Variants in POLR1B observed in about 807,000 individuals in gnomAD.
The protein encoded by POLR1B is DNA-directed RNA polymerase I subunit RPA2.
Under a neutral mutation model 105.8 loss-of-function variants are expected in POLR1B, and 30 were observed. That is an observed-to-expected ratio of 0.28 (90% CI 0.21 to 0.38). POLR1B has a LOEUF of 0.38. Among genes scored for constraint, POLR1B ranks in the 10% least tolerant of loss-of-function variants. The probability of loss-of-function intolerance (pLI) is 1.00; values close to 1 mark genes in which losing one functional copy is unlikely to be tolerated. For missense variants in POLR1B, 976 were observed against 1,435.8 expected, an observed-to-expected ratio of 0.68 and a Z score of 5.17; for synonymous variants, 485 against 505.1, an observed-to-expected ratio of 0.96 and a Z score of 0.53.
intron 1 of POLR1B, among the ~76,000 whole-genome samples, chr2:112,544,134 A>T (rs1388212651): frequency 2.0e-5 from 3 of 152,056 alleles, no homozygotes; most frequent in Admixed American, 6.6e-5. Flanking sequence ...GCACTAATTT[A>T]AAAATAAGCC....
intron 9 of POLR1B, among the ~76,000 whole-genome samples, chr2:112,562,240 C>A (rs974877158): frequency 6.6e-6 from 1 of 152,060 alleles, no homozygotes; most frequent in Admixed American, 6.6e-5. Flanking sequence ...AGCAAGTAGG[C>A]AAATGTGCAC....
chr2:112,575,833 C>T lies in POLR1B; in HGVS notation c.*104C>T, dbSNP rs10205187. 0.1 allele frequency: 137,300 copies of T among 1,318,326 alleles called. 9,591 individuals are homozygous for T. The highest frequency in any genetic ancestry group is 0.31 in the East Asian group (13,455 of 43,034). The allele number at this position is 1,318,326 out of a possible 1,614,324, so 81.7% of individuals were successfully genotyped here. On this transcript the variant is annotated 3_prime_UTR_variant, in exon 15 of 15. Transcript: ENST00000263331. This position sits in a 1 kb window ranked among gnomAD's most constrained non-coding sequence, Gnocchi z 5.3. ...CCAGGTTACTCTTGAGATTTTTCAA[C>T]GGTGTTAGAACTCTCAACCAAGACC...
chr2:112,563,102 T>C (rs1355092254), intron 9 of POLR1B, among the ~76,000 whole-genome samples: 1 of 150,836 alleles, frequency 6.6e-6, no homozygotes, highest in Non-Finnish European at 1.5e-5. Context: ...TCACCCAGGC[T>C]GGAGTGCAGT....
chr2:112,568,274 T>C, intron 11 of POLR1B, 137 bp downstream of exon 11: 1 of 850,172 alleles, frequency 1.2e-6, no homozygotes, highest in South Asian at 1.8e-5. Context: ...AAGTCAGACT[T>C]TCCACCTCCT....
At chr2:112,561,760 C>T (rs1464707858) in intron 9 of POLR1B, among the ~76,000 whole-genome samples, 4 of 152,180 alleles carry the variant, frequency 2.6e-5, no homozygotes, top group Non-Finnish European at 2.9e-5. Context: ...AGGCACATCA[C>T]ACCTTTTTGC....
intron 9 of POLR1B, among the ~76,000 whole-genome samples, chr2:112,563,491 C>A (rs1348228130): frequency 6.6e-6 from 1 of 152,200 alleles, no homozygotes; most frequent in Non-Finnish European, 1.5e-5. Flanking sequence ...TGCAGTCAGT[C>A]CCCTCAAACC....
chr2:112,567,864 C>T, intron 10 of POLR1B, 103 bp from the exon 11 acceptor site: 1 of 981,508 alleles, frequency 1.0e-6, no homozygotes, highest in Non-Finnish European at 1.5e-6. Flanking sequence ...GGGCTTTTAC[C>T]ATGGCTGAGT....
At chr2:112,569,769 A>G (rs958173255) in intron 12 of POLR1B, among the ~76,000 whole-genome samples, 4 of 151,884 alleles carry the variant, frequency 2.6e-5, no homozygotes, top group Non-Finnish European at 5.9e-5. Context: ...CATGTTGGCA[A>G]GGCTGGTCTC....
At position 112,575,774 on chromosome 2, in the gene POLR1B, A is replaced by G; in HGVS notation, c.*45A>G. On this transcript the variant is annotated 3_prime_UTR_variant, in exon 15 of 15. Transcript: ENST00000263331. The surrounding 1 kb of genome is among the most constrained non-coding windows in gnomAD (Gnocchi z 5.3). ...ATTAAGAGGACTATCAGATTAAAGC[A>G]AAATGTAATTTTAATTCAATGAAGA... 1 of 1,540,806 alleles carries G rather than the reference A, an allele frequency of 6.5e-7. No homozygotes were observed. The highest frequency in any genetic ancestry group is 2.3e-5 in the East Asian group (1 of 44,286).
intron 7 of POLR1B, among the ~76,000 whole-genome samples, chr2:112,557,064 C>T (rs1191936471): frequency 6.6e-6 from 1 of 152,100 alleles, no homozygotes; most frequent in Non-Finnish European, 1.5e-5. Flanking sequence ...AAGAGGATTG[C>T]TTGAGCCCAG....
intron 7 of POLR1B, chr2:112,553,706 T>C: frequency 6.6e-6 from 1 of 152,152 alleles, no homozygotes; most frequent in East Asian, 1.9e-4. Flanking sequence ...TTAAATAAGG[T>C]GCCTTTCAAC....
At position 112,564,334 on chromosome 2, in the gene POLR1B, G is replaced by A. The variant is rs113605612; in HGVS notation, c.1613-32G>A. On this transcript the variant is annotated intron_variant, in intron 9 of 14. Transcript: ENST00000263331. Reference sequence around the variant, plus strand: ...TCTGGAATGTTGGATGAAGCATTCTGATGTGATTGTGCTGTTTGTTTCCTT... The same window carrying A: ...TCTGGAATGTTGGATGAAGCATTCTAATGTGATTGTGCTGTTTGTTTCCTT... 0.012 allele frequency: 18,574 copies of A among 1,611,214 alleles called. 517 individuals are homozygous for A. Among genetic ancestry groups the A allele is most frequent in the African/African-American group, 0.11 (8,018 of 74,976 alleles).
intron 12 of POLR1B, among the ~76,000 whole-genome samples, chr2:112,569,250 A>G (rs1264037058): frequency 1.3e-5 from 2 of 152,196 alleles, no homozygotes; most frequent in Non-Finnish European, 2.9e-5. Flanking sequence ...TCACCCGCAT[A>G]TTTATCACTT....
intron 12 of POLR1B, among the ~76,000 whole-genome samples, chr2:112,571,101 G>C (rs1215871525): frequency 6.6e-6 from 1 of 151,942 alleles, no homozygotes; most frequent in African/African-American, 2.4e-5. Context: ...TTTTTTTATA[G>C]TTTCTTTCTT....
chr2:112,542,639 G>A lies in POLR1B; in HGVS notation c.145G>A (p.Ala49Thr). ...GGCGCACGTGGAGTCCTTCAACTAC[G>A]CTGTGCACGAGGGTCTCGGCCTCGC... ...TRAHVESFNY[A>T]VHEGLGLAVQ... The change falls in exon 1 of 15, where the codon GCT (alanine) becomes ACT (threonine). Residue 49 changes from alanine to threonine, a missense_variant. Around this residue, in one of 12 missense-constraint regions of POLR1B, gnomAD observed 452 missense variants for 616.5 expected, o/e 0.73. Coordinates refer to ENST00000263331, the MANE Select transcript of POLR1B (RefSeq NM_019014.6). 6.2e-7 allele frequency: 1 copy of A among 1,613,972 alleles called. No homozygotes were observed. The highest frequency in any genetic ancestry group is 8.5e-7 in the Non-Finnish European group (1 of 1,179,978).
intron 9 of POLR1B, among the ~76,000 whole-genome samples, chr2:112,563,027 C>T (rs1185473164): frequency 6.7e-6 from 1 of 149,326 alleles, no homozygotes; most frequent in Non-Finnish European, 1.5e-5. Context: ...CTGCACCCGG[C>T]CAGCTTGTGA....
intron 10 of POLR1B, among the ~76,000 whole-genome samples, chr2:112,565,092 A>G (rs1684205457): frequency 6.6e-6 from 1 of 152,220 alleles, no homozygotes; most frequent in Non-Finnish European, 1.5e-5. Context: ...GCTGTTTCGG[A>G]CACTTGGGTT....
chr2:112,566,658 TTGTGG>T (rs1684289237), intron 10 of POLR1B, among the ~76,000 whole-genome samples: 7 of 152,206 alleles, frequency 4.6e-5, no homozygotes, highest in African/African-American at 1.7e-4. Flanking sequence ...TACATTCATG[TTGTGG>T]AGTCATCACC....
chr2:112,560,794 T>C (rs2104545993), intron 9 of POLR1B, among the ~76,000 whole-genome samples: 1 of 152,230 alleles, frequency 6.6e-6, no homozygotes, highest in South Asian at 2.1e-4. Flanking sequence ...TGGTGGCCCA[T>C]GCCTGTAATC....
Sources: gnomAD v4.1 joint callset for allele counts (sites outside exome capture counted in the v4.1 genomes callset) on GRCh38, gnomAD v4.1.1 for gene constraint, gnomAD v4.1.1 regional missense constraint, Gnocchi (gnomAD v3.1) non-coding constraint, MANE v1.5 for transcripts, NCBI Gene and HGNC (gene_info 2026-07-23, HGNC 2026-07-21) for gene names.